Variants in GALNTL6 observed in about 807,000 individuals in gnomAD.
The protein encoded by GALNTL6 is polypeptide N-acetylgalactosaminyltransferase-like 6.
GALNTL6 carries 46 observed loss-of-function variants against 73.7 expected under a neutral mutation model. The observed-to-expected ratio is 0.62, with a 90% CI of 0.49 to 0.80. GALNTL6 has a LOEUF of 0.80. GALNTL6 is among the 30% of genes least tolerant of loss of function. The pLI, the probability that GALNTL6 is intolerant of heterozygous loss-of-function variation, is 0.00. For missense variants in GALNTL6, 604 were observed against 755.0 expected (o/e 0.80, Z 2.34); for synonymous variants, 259 against 263.7 (o/e 0.98, Z 0.17).
intron 5 of GALNTL6, among the ~76,000 whole-genome samples, chr4:172,424,711 C>T (rs930535207): frequency 6.6e-6 from 1 of 151,840 alleles, no homozygotes; most frequent in Non-Finnish European, 1.5e-5. Context: ...GGCAGAGAAG[C>T]AAAGAAAGGT....
At chr4:171,941,205 A>T (rs1302862200) in intron 2 of GALNTL6, among the ~76,000 whole-genome samples, 2 of 152,222 alleles carry the variant, frequency 1.3e-5, no homozygotes, top group African/African-American at 4.8e-5. Flanking sequence ...AGCTCTCTGT[A>T]TTGTGAGTGA....
At chr4:171,966,644 T>C (rs1380204546) in intron 2 of GALNTL6, among the ~76,000 whole-genome samples, 1 of 152,190 alleles carries the variant, frequency 6.6e-6, no homozygotes, top group Non-Finnish European at 1.5e-5. Context: ...GTCTTATCTT[T>C]GAGAGCCTCT....
chr4:172,833,134 G>A (rs1050443050), intron 7 of GALNTL6, among the ~76,000 whole-genome samples: 10 of 152,070 alleles, frequency 6.6e-5, no homozygotes, highest in African/African-American at 2.2e-4. Flanking sequence ...GCGTTCTTCC[G>A]GGATGACCCA....
intron 5 of GALNTL6, among the ~76,000 whole-genome samples, chr4:172,677,736 A>G (rs1425698123): frequency 6.6e-6 from 1 of 152,110 alleles, no homozygotes; most frequent in Non-Finnish European, 1.5e-5. Context: ...CAGCCTAGAT[A>G]GCAGAGTGAG....
At chr4:172,477,302 C>A (rs1169845314) in intron 5 of GALNTL6, among the ~76,000 whole-genome samples, 1 of 151,454 alleles carries the variant, frequency 6.6e-6, no homozygotes, top group East Asian at 1.9e-4. Context: ...ATTGACAGAC[C>A]TGCCTATCTA....
At chr4:172,433,287 A>G (rs779392277) in intron 5 of GALNTL6, among the ~76,000 whole-genome samples, 8 of 152,124 alleles carry the variant, frequency 5.3e-5, no homozygotes, top group Non-Finnish European at 8.8e-5. Context: ...TAATGGAAAG[A>G]AAGCTTGTCT....
At chr4:172,578,332 T>C (rs993259849) in intron 5 of GALNTL6, among the ~76,000 whole-genome samples, 1 of 152,246 alleles carries the variant, frequency 6.6e-6, no homozygotes, top group African/African-American at 2.4e-5. Context: ...AGACATGCAG[T>C]CTTTCTATGA....
At chr4:172,122,733 C>T (rs900764913) in intron 2 of GALNTL6, among the ~76,000 whole-genome samples, 1 of 152,178 alleles carries the variant, frequency 6.6e-6, no homozygotes, top group South Asian at 2.1e-4. Context: ...CAAGTGCAGC[C>T]ACTGTGGCCA....
chr4:172,738,821 A>G (rs1736625111), intron 5 of GALNTL6, among the ~76,000 whole-genome samples: 1 of 152,174 alleles, frequency 6.6e-6, no homozygotes, highest in Admixed American at 6.5e-5. Flanking sequence ...GAAAGGTGAG[A>G]CAACTCAAAG....
At chr4:172,917,314 A>G (rs1747574895) in intron 8 of GALNTL6, among the ~76,000 whole-genome samples, 1 of 152,162 alleles carries the variant, frequency 6.6e-6, no homozygotes, top group Non-Finnish European at 1.5e-5. Flanking sequence ...AACCTAGGAA[A>G]TACCATTCAG....
chr4:172,469,871 T>C (rs192679844), intron 5 of GALNTL6, among the ~76,000 whole-genome samples: 17 of 152,310 alleles, frequency 1.1e-4, no homozygotes, highest in African/African-American at 2.2e-4. Context: ...AAATGGTAGA[T>C]TGAAGATCAC....
At chr4:172,889,592 C>T (rs191189603) in intron 8 of GALNTL6, among the ~76,000 whole-genome samples, 28 of 152,182 alleles carry the variant, frequency 1.8e-4, no homozygotes, top group Admixed American at 7.9e-4. Flanking sequence ...GCCTTACATC[C>T]GAGGAATGAA....
intron 2 of GALNTL6, among the ~76,000 whole-genome samples, chr4:172,091,784 A>T (rs763276968): frequency 6.6e-6 from 1 of 152,202 alleles, no homozygotes; most frequent in Non-Finnish European, 1.5e-5. Context: ...TTTGCTCACA[A>T]AAGCATATTT....
At chr4:172,233,205 CAAAAAAAA>C (rs35723958) in intron 3 of GALNTL6, among the ~76,000 whole-genome samples, 4 of 104,734 alleles carry the variant, frequency 3.8e-5, no homozygotes, top group African/African-American at 1.5e-4. Context: ...CTCATCTCTC[CAAAAAAAA>C]AAAAAAAAAA....
At chr4:172,037,749 C>G (rs1741971051) in intron 2 of GALNTL6, among the ~76,000 whole-genome samples, 1 of 152,104 alleles carries the variant, frequency 6.6e-6, no homozygotes, top group African/African-American at 2.4e-5. Flanking sequence ...TTGCTATATC[C>G]ACACTATTAC....
chr4:172,155,110 G>A (rs1429853301), intron 2 of GALNTL6, among the ~76,000 whole-genome samples: 1 of 150,194 alleles, frequency 6.7e-6, no homozygotes, highest in Non-Finnish European at 1.5e-5. Flanking sequence ...CGATTCTGCT[G>A]TCTCAGGCTC....
chr4:172,301,254 A>G (rs950050822), intron 3 of GALNTL6, among the ~76,000 whole-genome samples: 2 of 151,824 alleles, frequency 1.3e-5, no homozygotes, highest in African/African-American at 4.9e-5. Flanking sequence ...TGGTTATTCT[A>G]GTTAGCTATT....
chr4:172,356,546 A>T (rs1742169295), intron 5 of GALNTL6, among the ~76,000 whole-genome samples: 1 of 152,320 alleles, frequency 6.6e-6, no homozygotes, highest in East Asian at 1.9e-4. Context: ...ATCTCTCAGC[A>T]TTCAAGATTT....
intron 8 of GALNTL6, among the ~76,000 whole-genome samples, chr4:172,909,494 G>T (rs2111259519): frequency 6.6e-6 from 1 of 152,024 alleles, no homozygotes; most frequent in East Asian, 1.9e-4. Flanking sequence ...TATTGCAACA[G>T]TTCACAGAAA....
Sources: allele counts gnomAD v4.1 joint callset (sites outside exome capture counted in the v4.1 genomes callset), GRCh38; gene constraint gnomAD v4.1.1; transcripts MANE v1.5; gene names NCBI Gene and HGNC (gene_info 2026-07-23, HGNC 2026-07-21).